The following ULK4 variants were observed in gnomAD, a reference collection of about 807,000 sequenced individuals.
ULK4 encodes the protein unc-51 like kinase 4, also known as inactive serine/threonine-protein kinase ULK4.
ULK4 carries 133 observed loss-of-function variants against 160.6 expected under a neutral mutation model. That is an observed-to-expected ratio of 0.83 (90% CI 0.72 to 0.96). The LOEUF (loss-of-function observed/expected upper bound fraction) is 0.96. Among genes scored for constraint, ULK4 ranks in the 40% least tolerant of loss-of-function variants. The probability of loss-of-function intolerance (pLI) is 0.00; values close to 1 mark genes in which losing one functional copy is unlikely to be tolerated. For synonymous variants in ULK4, 534 were observed against 539.8 expected (o/e 0.99, Z 0.15); for missense variants, 1,580 against 1,499.5 (o/e 1.05, Z -0.89).
chr3:41,386,528 G>A (rs2081813936), intron 35 of ULK4, among the ~76,000 whole-genome samples: 1 of 152,094 alleles, frequency 6.6e-6, no homozygotes, highest in Non-Finnish European at 1.5e-5. Flanking sequence ...AAGAACAGAG[G>A]GAGAATTGGA....
At chr3:41,872,026 G>C (rs937208887) in intron 17 of ULK4, among the ~76,000 whole-genome samples, 1 of 152,144 alleles carries the variant, frequency 6.6e-6, no homozygotes, top group African/African-American at 2.4e-5. Context: ...AGTAGCGTCT[G>C]TCCAGTCACC....
intron 34 of ULK4, among the ~76,000 whole-genome samples, chr3:41,450,421 T>G (rs950756233): frequency 2.6e-5 from 4 of 152,228 alleles, no homozygotes; most frequent in African/African-American, 9.6e-5. Context: ...CACTGTCTTA[T>G]ATAAACATTT....
At chr3:41,485,997 C>G (rs1042235118) in intron 32 of ULK4, among the ~76,000 whole-genome samples, 2 of 152,180 alleles carry the variant, frequency 1.3e-5, no homozygotes, top group Non-Finnish European at 2.9e-5. Context: ...TGGCTCTAAA[C>G]ATATCTGACC....
chr3:41,373,516 C>T (rs762077237), intron 35 of ULK4, among the ~76,000 whole-genome samples: 1 of 152,150 alleles, frequency 6.6e-6, no homozygotes, highest in Non-Finnish European at 1.5e-5. Flanking sequence ...GGAAGCTGAA[C>T]AACATGCTCC....
chr3:41,857,918 T>C (rs997461390), intron 17 of ULK4, among the ~76,000 whole-genome samples: 2 of 152,136 alleles, frequency 1.3e-5, no homozygotes, highest in African/African-American at 4.8e-5. Flanking sequence ...TTTTGTTTCA[T>C]TGATCTTTCA....
chr3:41,893,996 T>C (rs1329570426), intron 16 of ULK4, among the ~76,000 whole-genome samples: 2 of 152,186 alleles, frequency 1.3e-5, no homozygotes, highest in African/African-American at 2.4e-5. Flanking sequence ...AGAACTTGTC[T>C]ACCTCAGTAT....
intron 35 of ULK4, among the ~76,000 whole-genome samples, chr3:41,282,031 TG>T (rs1440939944): frequency 6.6e-6 from 1 of 152,138 alleles, no homozygotes; most frequent in Non-Finnish European, 1.5e-5. Context: ...AGCCAAATCA[TG>T]AGTGAACTCC....
intron 25 of ULK4, among the ~76,000 whole-genome samples, chr3:41,713,642 C>G (rs1276627856): frequency 6.6e-6 from 1 of 152,050 alleles, no homozygotes; most frequent in Non-Finnish European, 1.5e-5. Flanking sequence ...TTTTCAGTAT[C>G]TTAATGATCT....
intron 2 of ULK4, among the ~76,000 whole-genome samples, chr3:41,943,804 C>A (rs372004372): frequency 6.6e-6 from 1 of 152,176 alleles, no homozygotes; most frequent in Non-Finnish European, 1.5e-5. Context: ...CCCAACCCCC[C>A]TCAAACTTCA....
intron 35 of ULK4, among the ~76,000 whole-genome samples, chr3:41,261,577 A>G (rs2078943830): frequency 6.6e-6 from 1 of 152,158 alleles, no homozygotes; most frequent in African/African-American, 2.4e-5. Context: ...CACTGCCTAC[A>G]TGTTGTGTTA....
At chr3:41,811,824 G>A (rs2040826650) in intron 19 of ULK4, among the ~76,000 whole-genome samples, 1 of 152,176 alleles carries the variant, frequency 6.6e-6, no homozygotes, top group African/African-American at 2.4e-5. Context: ...CCTGCGTCAT[G>A]TTGTGGTTAC....
At chr3:41,768,011 C>T in intron 21 of ULK4, among the ~76,000 whole-genome samples, 1 of 152,100 alleles carries the variant, frequency 6.6e-6, no homozygotes, top group Middle Eastern at 3.2e-3. Flanking sequence ...AGCATTCTCA[C>T]CTGAGCTCCA....
rs2086146318 is a variant in ULK4, at chr3:41,527,124, A to T, written c.3226+38901T>A. Among the ~76,000 whole-genome samples, 4 of 152,254 alleles carry T rather than the reference A, an allele frequency of 2.6e-5. No homozygotes were observed. The South Asian group carries it at 8.3e-4, about 32-fold the overall frequency. On this transcript the variant is annotated intron_variant, in intron 32 of 36. Coordinates refer to ENST00000301831, the MANE Select transcript of ULK4 (RefSeq NM_017886.4). ...CTCTATTTTTATCGACAAGGAAACC[A>T]ACTTCACAGCCCTCCTGTAAGGACA...
intron 35 of ULK4, among the ~76,000 whole-genome samples, chr3:41,396,320 T>A (rs1038916335): frequency 8.1e-6 from 1 of 124,022 alleles, no homozygotes; most frequent in Non-Finnish European, 1.6e-5. Flanking sequence ...CAAAAAGATC[T>A]GAAATTTCTA....
At chr3:41,346,437 C>A (rs1055236540) in intron 35 of ULK4, among the ~76,000 whole-genome samples, 1 of 152,144 alleles carries the variant, frequency 6.6e-6, no homozygotes, top group Middle Eastern at 3.2e-3. Flanking sequence ...TGGCATACTG[C>A]AGTTCTTGCT....
chr3:41,306,763 G>T (rs1288468031), intron 35 of ULK4, among the ~76,000 whole-genome samples: 2 of 151,890 alleles, frequency 1.3e-5, no homozygotes, highest in Non-Finnish European at 2.9e-5. Flanking sequence ...TGTGTAGAAA[G>T]AAGTAAACAT....
rs529134414 is a variant in ULK4, at chr3:41,313,884, A to T, written c.3679-64310T>A. Among the ~76,000 whole-genome samples, 13 of 152,178 alleles carry T rather than the reference A, an allele frequency of 8.5e-5. No individual in the cohort carries two copies. In the East Asian group the frequency reaches 2.5e-3, roughly 29 times the overall value. On this transcript the variant is annotated intron_variant, in intron 35 of 36. Coordinates refer to ENST00000301831, the MANE Select transcript of ULK4 (RefSeq NM_017886.4). Reference sequence around the variant, plus strand: ...AAGTCAAGTGACTTCTGAAGCTAGGACATAAAAGGTGACACAGCTTCTGCA... The same window carrying T: ...AAGTCAAGTGACTTCTGAAGCTAGGTCATAAAAGGTGACACAGCTTCTGCA...
chr3:41,388,515 G>A (rs551568391), intron 35 of ULK4, among the ~76,000 whole-genome samples: 8 of 152,106 alleles, frequency 5.3e-5, no homozygotes, highest in East Asian at 1.9e-4. Context: ...TAGGTCTAAC[G>A]TGTAAGTCTT....
chr3:41,381,779 C>A (rs2081658502), intron 35 of ULK4, among the ~76,000 whole-genome samples: 1 of 152,150 alleles, frequency 6.6e-6, no homozygotes, highest in Non-Finnish European at 1.5e-5. Flanking sequence ...CAGCTCAAAA[C>A]CCTCCAAAGG....
Sources: gnomAD v4.1 joint callset for allele counts (sites outside exome capture counted in the v4.1 genomes callset) on GRCh38, gnomAD v4.1.1 for gene constraint, MANE v1.5 for transcripts, NCBI Gene and HGNC (gene_info 2026-07-23, HGNC 2026-07-21) for gene names.